PTPRD: variants seen among roughly 807,000 people sequenced by gnomAD.
PTPRD encodes protein tyrosine phosphatase receptor type D.
PTPRD carries 34 observed loss-of-function variants against 214.5 expected under a neutral mutation model. The observed-to-expected ratio is 0.16, with a 90% CI of 0.12 to 0.21. The LOEUF (loss-of-function observed/expected upper bound fraction) is 0.21, where lower values mean the gene tolerates loss of function less well. Ranked by LOEUF, PTPRD falls within the 10% of genes least tolerant of loss-of-function variation. PTPRD has a pLI of 1.00. For missense variants in PTPRD, 2,545 were observed against 2,398.7 expected (o/e 1.06, Z -1.27); for synonymous variants, 1,128 against 845.7 (o/e 1.33, Z -5.79).
chr9:9,186,663 T>TCA (rs1453365109), intron 9 of PTPRD, among the ~76,000 whole-genome samples: 474 of 126,476 alleles, frequency 3.7e-3, no homozygotes, highest in African/African-American at 0.013. Flanking sequence ...TCTCTCTCTC[T>TCA]CTCACACACA....
At chr9:9,713,450 T>C (rs2097769655) in intron 7 of PTPRD, among the ~76,000 whole-genome samples, 1 of 152,214 alleles carries the variant, frequency 6.6e-6, no homozygotes, top group Non-Finnish European at 1.5e-5. Flanking sequence ...TGTCCTTGAT[T>C]ACAATTAATG....
chr9:9,926,175 T>A lies in PTPRD; in HGVS notation c.-368+12332A>T, dbSNP rs760867829. On this transcript the variant is annotated intron_variant, in intron 5 of 45. Transcript: ENST00000381196. ...GGCTTGTACTTCTAAATTCTACCTA[T>A]CTTATACTTACCTAATATTTTCCTA... 6.6e-5 allele frequency among the ~76,000 whole-genome samples: 10 copies of A among 152,116 alleles called. 1 individual carries two copies. Among genetic ancestry groups the A allele is most frequent in the African/African-American group, 2.2e-4 (9 of 41,412 alleles).
At chr9:9,326,139 G>C (rs537599757) in intron 9 of PTPRD, among the ~76,000 whole-genome samples, 1 of 152,020 alleles carries the variant, frequency 6.6e-6, no homozygotes, top group East Asian at 1.9e-4. Flanking sequence ...TAACTATGAG[G>C]GTTGAGGAAA....
chr9:9,801,619 C>T (rs987813413), intron 5 of PTPRD, among the ~76,000 whole-genome samples: 1 of 152,028 alleles, frequency 6.6e-6, no homozygotes, highest in African/African-American at 2.4e-5. Flanking sequence ...AGTAGTTTTA[C>T]CTGCAATTCT....
chr9:8,522,309 G>C (rs1223297616), intron 19 of PTPRD, among the ~76,000 whole-genome samples: 1 of 152,050 alleles, frequency 6.6e-6, no homozygotes, highest in African/African-American at 2.4e-5. Context: ...AGAAATAAGG[G>C]GGCAATAGAA....
At chr9:8,391,852 A>G (rs1198593304) in intron 36 of PTPRD, among the ~76,000 whole-genome samples, 1 of 152,158 alleles carries the variant, frequency 6.6e-6, no homozygotes, top group Non-Finnish European at 1.5e-5. Flanking sequence ...AATCATTCCT[A>G]AAGACAGGGA....
chr9:9,879,778 T>A (rs2153734441), intron 5 of PTPRD, among the ~76,000 whole-genome samples: 1 of 152,202 alleles, frequency 6.6e-6, no homozygotes, highest in Non-Finnish European at 1.5e-5. Flanking sequence ...GGTGGAACAT[T>A]TCTTGCTTCT....
At chr9:8,525,152 C>T (rs1364770904) in intron 17 of PTPRD, 117 bp from the exon 18 acceptor site, 6 of 836,244 alleles carry the variant, frequency 7.2e-6, no homozygotes, top group Admixed American at 1.7e-5. Context: ...CACTCAACGT[C>T]GATTCAATCT....
chr9:8,330,452 G>A (rs1387608345), intron 44 of PTPRD, among the ~76,000 whole-genome samples: 2 of 152,126 alleles, frequency 1.3e-5, no homozygotes, highest in Non-Finnish European at 2.9e-5. Flanking sequence ...CTTTATTGTG[G>A]TAATCTGGAA....
At chr9:9,016,806 A>C (rs2099537355) in intron 11 of PTPRD, among the ~76,000 whole-genome samples, 1 of 152,156 alleles carries the variant, frequency 6.6e-6, no homozygotes, top group South Asian at 2.1e-4. Context: ...CCAAGTTCAA[A>C]GTACTTTCAG....
rs911248224 is a variant in PTPRD, at chr9:8,314,712, C to T, written c.*3162G>A. 1.7e-5 allele frequency: 4 copies of T among 231,954 alleles called. No homozygotes were observed. The highest frequency in any genetic ancestry group is 4.4e-5 in the African/African-American group (2 of 45,080). 14.4% of individuals were successfully genotyped at this position (231,954 alleles called of 1,614,324 possible). A position where few individuals can be genotyped will look rare whatever the true frequency, so the allele number is the denominator to read the frequency against. On this transcript the variant is annotated 3_prime_UTR_variant, in exon 46 of 46. Coordinates refer to ENST00000381196, the MANE Select transcript of PTPRD (RefSeq NM_002839.4). Reference sequence around the variant, plus strand: ...AAATAAACAGGAAAGAAAAAAAATACGTGCATTACTGCAGACTTTTTTCCC... The same window carrying T: ...AAATAAACAGGAAAGAAAAAAAATATGTGCATTACTGCAGACTTTTTTCCC...
At chr9:8,419,722 C>T (rs1235592937) in intron 35 of PTPRD, among the ~76,000 whole-genome samples, 1 of 151,808 alleles carries the variant, frequency 6.6e-6, no homozygotes, top group Non-Finnish European at 1.5e-5. Context: ...AATACTATGC[C>T]TGTTAACTGC....
rs554780133 is a variant in PTPRD at position 8,561,422 on chromosome 9, C to T, written c.353-32643G>A. The stretch of plus-strand genomic sequence containing the variant: ...CTGCCCATCCTCACCCTTCAACTGT[C>T]AGCCTACCCTCATTTTTCTTGGACG... On this transcript the variant is annotated intron_variant, in intron 14 of 45. Transcript: ENST00000381196. 1.1e-4 allele frequency among the ~76,000 whole-genome samples: 17 copies of T among 152,284 alleles called. No homozygotes were observed. In the East Asian group the frequency reaches 3.1e-3, roughly 28 times the overall value.
chr9:10,549,776 T>C (rs1371242730), intron 2 of PTPRD, among the ~76,000 whole-genome samples: 1 of 152,174 alleles, frequency 6.6e-6, no homozygotes, highest in Non-Finnish European at 1.5e-5. Context: ...CTTGGGAGTA[T>C]TCCACTGTAC....
intron 3 of PTPRD, among the ~76,000 whole-genome samples, chr9:10,291,304 T>C (rs1241814831): frequency 5.3e-5 from 8 of 152,020 alleles, no homozygotes; most frequent in Admixed American, 5.2e-4. Flanking sequence ...AAAGAATATG[T>C]AGTAGATGGA....
intron 5 of PTPRD, among the ~76,000 whole-genome samples, chr9:9,895,605 G>A (rs946320704): frequency 2.6e-5 from 4 of 152,154 alleles, no homozygotes; most frequent in African/African-American, 9.6e-5. Context: ...GAGAGGGAGG[G>A]TTTGGAAAAT....
intron 10 of PTPRD, among the ~76,000 whole-genome samples, chr9:9,059,001 A>T (rs2154399913): frequency 6.6e-6 from 1 of 152,250 alleles, no homozygotes; most frequent in South Asian, 2.1e-4. Context: ...GGAGAACTTT[A>T]ATCTGCCCAG....
intron 7 of PTPRD, among the ~76,000 whole-genome samples, chr9:9,695,413 G>A (rs1248171317): frequency 2.0e-5 from 3 of 152,144 alleles, no homozygotes; most frequent in Non-Finnish European, 2.9e-5. Flanking sequence ...GTTGGGGGAA[G>A]GATTGTGCAA....
intron 2 of PTPRD, among the ~76,000 whole-genome samples, chr9:10,434,933 A>G (rs2098707494): frequency 1.3e-5 from 2 of 151,824 alleles, no homozygotes; most frequent in Admixed American, 6.6e-5. Flanking sequence ...TCATGCACTG[A>G]GTGAGGTACA....
Sources: allele counts gnomAD v4.1 joint callset (sites outside exome capture counted in the v4.1 genomes callset), GRCh38; gene constraint gnomAD v4.1.1; transcripts MANE v1.5; gene names NCBI Gene and HGNC (gene_info 2026-07-23, HGNC 2026-07-21).